ARSK: variants seen among roughly 807,000 people sequenced by gnomAD.
ARSK encodes arylsulfatase family member K.
ARSK carries 37 observed loss-of-function variants against 53.2 expected under a neutral mutation model. The observed-to-expected ratio is 0.70, with a 90% CI of 0.54 to 0.92. The LOEUF is 0.92. ARSK is among the 40% of genes least tolerant of loss of function. The pLI, the probability that ARSK is intolerant of heterozygous loss-of-function variation, is 0.00. For missense variants in ARSK, 613 were observed against 643.0 expected (o/e 0.95, Z 0.51); for synonymous variants, 208 against 223.2 (o/e 0.93, Z 0.61).
chr5:95,577,504 G>T (rs142659081), intron 3 of ARSK, among the ~76,000 whole-genome samples: 19 of 152,286 alleles, frequency 1.2e-4, no homozygotes, highest in African/African-American at 3.4e-4. Context: ...CACCTGCCTG[G>T]ATCAATGTCT....
Position 95,578,635 on chromosome 5 carries a change from AAGAG to A in ARSK, c.417-4275_417-4272del, listed in dbSNP as rs372739070. On this transcript the variant is annotated intron_variant, in intron 3 of 7. Transcript: ENST00000380009. Reference sequence around the variant, plus strand: ...TAATCCCATCAATAACAATGAGAAAAAGAGAGAGATCACAGAATTCTAAGTCTGA... The same window carrying A: ...TAATCCCATCAATAACAATGAGAAAAAGAGATCACAGAATTCTAAGTCTGA... Among the ~76,000 whole-genome samples the A allele has an allele frequency of 1.9e-3, 292 of 152,314 alleles. 2 individuals are homozygous for A. Among genetic ancestry groups the A allele is most frequent in the African/African-American group, 6.8e-3 (283 of 41,570 alleles).
rs149766065 is a variant in ARSK at position 95,591,539 on chromosome 5, C to T, written c.1010C>T (p.Pro337Leu). Reference protein sequence around the residue: ...MSMYEASAHVPLLMMGPGIKA... With the variant: ...MSMYEASAHVLLLMMGPGIKA... ...ATGTACGAGGCTAGTGCACATGTTC[C>T]GCTTTTGATGATGGGACCAGGAATT... Residue 337 changes from proline (P) to leucine (L), a missense_variant, in exon 6 of 8, where the codon CCG (proline) becomes CTG (leucine). Pro to Leu is a moderately conservative substitution (Grantham distance 98). Transcript: ENST00000380009. The T allele has an allele frequency of 9.8e-4, 1,589 of 1,614,098 alleles. 4 individuals are homozygous for T. Among genetic ancestry groups the T allele is most frequent in the South Asian group, 1.7e-3 (151 of 91,080 alleles).
chr5:95,599,353 TA>T (rs1749360791), intron 6 of ARSK, among the ~76,000 whole-genome samples: 1 of 152,154 alleles, frequency 6.6e-6, no homozygotes, highest in African/African-American at 2.4e-5. Context: ...TAGTCATGAG[TA>T]TGTGCCAGTT....
chr5:95,556,097 A>T (rs548604033), intron 1 of ARSK: 45 of 646,626 alleles, frequency 7.0e-5, no homozygotes, highest in African/African-American at 3.3e-4. Flanking sequence ...TATTAATTGT[A>T]ATATTAGTTT....
chr5:95,601,814 T>A (rs1307899045), intron 7 of ARSK, among the ~76,000 whole-genome samples: 1 of 152,200 alleles, frequency 6.6e-6, no homozygotes, highest in South Asian at 2.1e-4. Context: ...CCAACCCCCT[T>A]CACTTGAAGA....
In ARSK at chr5:95,603,268, T is replaced by A. The variant is rs752728055; in HGVS notation, c.1353T>A (p.Asn451Lys). ...CCTCGGATCCAGATGAATTAACAAA[T>A]GTTGCTGTAAAATTTCCAGAAATTA... is the stretch of plus-strand genomic sequence containing the variant. ...DLSSDPDELT[N>K]VAVKFPEITY... is the part of the protein sequence containing the mutation. Residue 451 changes from asparagine (N) to lysine (K), a missense_variant, in exon 8 of 8, where the codon AAT becomes AAA. Transcript: ENST00000380009. 1.3e-6 allele frequency: 2 copies of A among 1,590,230 alleles called. No homozygotes were observed. The highest frequency in any genetic ancestry group is 8.6e-7 in the Non-Finnish European group (1 of 1,169,112).
chr5:95,575,825 A>G (rs1308695910), intron 3 of ARSK, among the ~76,000 whole-genome samples: 1 of 152,226 alleles, frequency 6.6e-6, no homozygotes, highest in African/African-American at 2.4e-5. Flanking sequence ...AGTTTACATC[A>G]TCTGCAAACA....
intron 7 of ARSK, 147 bp downstream of exon 7, chr5:95,601,218 G>A (rs561064397): frequency 1.3e-6 from 1 of 764,016 alleles, no homozygotes; most frequent in African/African-American, 1.8e-5. Flanking sequence ...GGTTGCCCAT[G>A]TGAGGAACAG....
At chr5:95,590,492 G>A (rs1308844313) in intron 5 of ARSK, among the ~76,000 whole-genome samples, 1 of 152,118 alleles carries the variant, frequency 6.6e-6, no homozygotes, top group Non-Finnish European at 1.5e-5. Flanking sequence ...TAGACACCAG[G>A]ATAGTACAAG....
chr5:95,586,984 A>C (rs1749123729), intron 5 of ARSK, among the ~76,000 whole-genome samples: 1 of 152,216 alleles, frequency 6.6e-6, no homozygotes, highest in South Asian at 2.1e-4. Flanking sequence ...ACAGAAGGCT[A>C]TCATCTACTT....
intron 1 of ARSK, among the ~76,000 whole-genome samples, chr5:95,561,788 G>A (rs980336189): frequency 3.3e-5 from 5 of 152,318 alleles, no homozygotes; most frequent in South Asian, 2.1e-4. Context: ...TGGGGATGAT[G>A]AGAACATTCT....
chr5:95,584,050 G>A (rs934019810), intron 4 of ARSK, among the ~76,000 whole-genome samples: 2 of 152,048 alleles, frequency 1.3e-5, no homozygotes, highest in East Asian at 1.9e-4. Context: ...TCCCAGCTCC[G>A]CTATTTCTTC....
chr5:95,576,786 T>A (rs1486870512), intron 3 of ARSK, among the ~76,000 whole-genome samples: 1 of 152,042 alleles, frequency 6.6e-6, no homozygotes, highest in Non-Finnish European at 1.5e-5. Context: ...ATCCCAACTT[T>A]GACCTGCCAG....
chr5:95,567,933 T>C lies in ARSK; in HGVS notation c.300T>C (p.Asn100=). 1 of 1,613,012 alleles carries C rather than the reference T, an allele frequency of 6.2e-7. No individual in the cohort carries two copies. The highest frequency in any genetic ancestry group is 8.5e-7 in the Non-Finnish European group (1 of 1,179,416). Residue 100 remains asparagine (N), a synonymous_variant, in exon 3 of 8, where the codon AAT becomes AAC. Coordinates refer to ENST00000380009, the MANE Select transcript of ARSK (RefSeq NM_198150.3). ...GLFTHLTESW[N]NFKGLDPNYT... ...TCACTCACTTAACAGAATCTTGGAA[T>C]AATTTTAAGGGTCTAGATCCAAATT... is the stretch of plus-strand genomic sequence containing the variant.
intron 3 of ARSK, among the ~76,000 whole-genome samples, chr5:95,569,451 A>T (rs1186445156): frequency 6.6e-6 from 1 of 152,212 alleles, no homozygotes; most frequent in African/African-American, 2.4e-5. Flanking sequence ...GGATCTCCAG[A>T]TGAAATCATG....
intron 4 of ARSK, among the ~76,000 whole-genome samples, chr5:95,583,545 G>A (rs1749057773): frequency 6.6e-6 from 1 of 151,756 alleles, no homozygotes; most frequent in Admixed American, 6.6e-5. Flanking sequence ...TTAATAAATG[G>A]GGAAAATGAC....
At chr5:95,562,496 A>G (rs542070876) in intron 1 of ARSK, among the ~76,000 whole-genome samples, 120 of 152,372 alleles carry the variant, frequency 7.9e-4, no homozygotes, top group African/African-American at 2.8e-3. Flanking sequence ...ATGGCAAATT[A>G]AAGTTGCTGT....
At chr5:95,575,750 C>A (rs563270116) in intron 3 of ARSK, among the ~76,000 whole-genome samples, 1 of 152,306 alleles carries the variant, frequency 6.6e-6, no homozygotes, top group African/African-American at 2.4e-5. Context: ...TTATGTCCTG[C>A]AACTTTACTG....
In ARSK at chr5:95,555,178, G is replaced by T. The variant is rs570412518; in HGVS notation, c.-101G>T. On this transcript the variant is annotated 5_prime_UTR_variant, in exon 1 of 8. Coordinates refer to ENST00000380009, the MANE Select transcript of ARSK (RefSeq NM_198150.3). The surrounding 1 kb of genome is among the most constrained non-coding windows in gnomAD (Gnocchi z 4.0). ...TTACTATCAAGCAACCAAACTGCAA[G>T]CTTTGGGAGTTGTTCGCTGTCCCTG... is the stretch of plus-strand genomic sequence containing the variant. 1.6e-4 allele frequency: 187 copies of T among 1,173,090 alleles called. 3 individuals are homozygous for T. The South Asian group carries it at 2.2e-3, about 14-fold the overall frequency. The allele number at this position is 1,173,090 out of a possible 1,614,324, so 72.7% of individuals were successfully genotyped here.
Sources: gnomAD v4.1 joint callset for allele counts (sites outside exome capture counted in the v4.1 genomes callset) on GRCh38, gnomAD v4.1.1 for gene constraint, Gnocchi (gnomAD v3.1) non-coding constraint, MANE v1.5 for transcripts, NCBI Gene and HGNC (gene_info 2026-07-23, HGNC 2026-07-21) for gene names.